The following LRP1B variants were observed in gnomAD, a reference collection of about 807,000 sequenced individuals.
LRP1B encodes the protein LDL receptor related protein 1B, also known as low-density lipoprotein receptor-related protein 1B.
LRP1B carries 217 observed loss-of-function variants against 556.6 expected under a neutral mutation model. That is an observed-to-expected ratio of 0.39 (90% CI 0.35 to 0.44). The LOEUF (loss-of-function observed/expected upper bound fraction) is 0.44. LRP1B is among the 20% of genes least tolerant of loss of function. LRP1B has a pLI of 1.00. For synonymous variants in LRP1B, 2,047 were observed against 1,865.8 expected (o/e 1.10, Z -2.50); for missense variants, 5,053 against 5,620.8 (o/e 0.90, Z 3.23).
At chr2:141,285,088 C>T (rs1291606305) in intron 3 of LRP1B, among the ~76,000 whole-genome samples, 1 of 151,408 alleles carries the variant, frequency 6.6e-6, no homozygotes, top group Non-Finnish European at 1.5e-5. Context: ...CCTATATAAA[C>T]CCATATTTCA....
intron 3 of LRP1B, among the ~76,000 whole-genome samples, chr2:141,387,235 C>T (rs568763423): frequency 6.6e-6 from 1 of 151,764 alleles, no homozygotes; most frequent in African/African-American, 2.4e-5. Flanking sequence ...AGAGAAGAAA[C>T]TCAAATAAAT....
intron 60 of LRP1B, among the ~76,000 whole-genome samples, chr2:140,464,041 C>T (rs898735860): frequency 4.6e-5 from 7 of 151,766 alleles, no homozygotes; most frequent in African/African-American, 1.7e-4. Context: ...ACTAAAAATA[C>T]AAAAATTAGC....
chr2:141,010,993 C>T (rs890671548), intron 14 of LRP1B, among the ~76,000 whole-genome samples: 14 of 146,490 alleles, frequency 9.6e-5, no homozygotes, highest in African/African-American at 3.5e-4. Context: ...TTAATACTAT[C>T]TATCCATATG....
intron 41 of LRP1B, among the ~76,000 whole-genome samples, chr2:140,680,964 T>C (rs1021082436): frequency 2.6e-5 from 4 of 152,230 alleles, no homozygotes; most frequent in African/African-American, 9.6e-5. Flanking sequence ...TAAAAGGCAG[T>C]GCTGTGTGAA....
At position 140,291,298 on chromosome 2, in the gene LRP1B, T is replaced by TTATATATATATATATA. The variant is rs66596182; in HGVS notation, c.12967+6494_12967+6509dup. Among the ~76,000 whole-genome samples the TTATATATATATATATA allele has an allele frequency of 5.7e-4, 41 of 71,998 alleles. 7 individuals are homozygous for TTATATATATATATATA. The East Asian group carries it at 0.013, about 23-fold the overall frequency. The allele number at this position is 71,998 out of a possible 152,430, so 47.2% of individuals were successfully genotyped here. On this transcript the variant is annotated intron_variant, in intron 84 of 90. Coordinates refer to ENST00000389484, the MANE Select transcript of LRP1B (RefSeq NM_018557.3). ...AGATACCACTTCAAGAAATTTTATT[T>TTATATATATATATATA]TATATATATATATATATATATTTTT...
intron 3 of LRP1B, among the ~76,000 whole-genome samples, chr2:141,430,599 A>C (rs1680526261): frequency 6.9e-6 from 1 of 144,572 alleles, no homozygotes; most frequent in Non-Finnish European, 1.5e-5. Flanking sequence ...ATAAGGTAAT[A>C]GTTTAGTGAT....
In LRP1B at chr2:140,322,094, GAAACAAAAGA is replaced by G; in HGVS notation, c.12515-16_12515-7del. ...ATCCAAGCATGGATTGGGTACTGGT[GAAACAAAAGA>G]AAACAAAGAAGTGTGTAAATATAGA... On this transcript the variant is annotated splice_region_variant and splice_polypyrimidine_tract_variant and intron_variant, in intron 81 of 90. Transcript: ENST00000389484. The G allele has an allele frequency of 6.2e-7, 1 of 1,608,980 alleles. No individual in the cohort carries two copies. Among genetic ancestry groups the G allele is most frequent in the Non-Finnish European group, 8.5e-7 (1 of 1,178,160 alleles).
At chr2:140,593,979 T>C (rs1682331311) in intron 43 of LRP1B, among the ~76,000 whole-genome samples, 1 of 150,650 alleles carries the variant, frequency 6.6e-6, no homozygotes, top group Admixed American at 6.6e-5. Flanking sequence ...TGACACATCA[T>C]GTTAATTTTT....
intron 3 of LRP1B, among the ~76,000 whole-genome samples, chr2:141,373,635 AGCTGACATAAATATTGC>A (rs1689320836): frequency 6.6e-6 from 1 of 151,826 alleles, no homozygotes; most frequent in African/African-American, 2.4e-5. Context: ...AGTCTGTTTT[AGCTGACATAAATATTGC>A]TACTCCTGCT....
chr2:141,550,393 A>G (rs1685707750), intron 2 of LRP1B, among the ~76,000 whole-genome samples: 1 of 152,144 alleles, frequency 6.6e-6, no homozygotes, highest in Admixed American at 6.6e-5. Context: ...TTCTCATTCT[A>G]CAATACGTAG....
intron 2 of LRP1B, among the ~76,000 whole-genome samples, chr2:141,720,934 C>A (rs1450052756): frequency 1.3e-5 from 2 of 152,088 alleles, no homozygotes; most frequent in African/African-American, 4.8e-5. Flanking sequence ...TTAATTATTG[C>A]ATTAAGATCA....
chr2:140,629,981 T>C (rs773061580), intron 41 of LRP1B, among the ~76,000 whole-genome samples: 11 of 152,246 alleles, frequency 7.2e-5, no homozygotes, highest in African/African-American at 2.7e-4. Context: ...CAACATGGCA[T>C]AGCAAATGCG....
intron 2 of LRP1B, among the ~76,000 whole-genome samples, chr2:141,644,537 C>T (rs1689477400): frequency 1.3e-5 from 2 of 151,974 alleles, no homozygotes; most frequent in Non-Finnish European, 2.9e-5. Context: ...TGTTTCTTAA[C>T]AACATGACTA....
At chr2:140,592,214 G>T (rs508855) in intron 43 of LRP1B, among the ~76,000 whole-genome samples, 53,264 of 151,874 alleles carry the variant, frequency 0.35, 9,546 homozygotes, top group African/African-American at 0.37. Context: ...CAGAAATAAG[G>T]ATATTAAGTT....
chr2:141,731,780 T>C (rs931803667), intron 2 of LRP1B, among the ~76,000 whole-genome samples: 6 of 152,172 alleles, frequency 3.9e-5, no homozygotes, highest in Non-Finnish European at 8.8e-5. Flanking sequence ...ATGTGGACAC[T>C]AACCTCATTA....
Position 141,055,112 on chromosome 2 carries a change from A to T in LRP1B, c.1552+4T>A. On this transcript the variant is annotated splice_donor_region_variant and intron_variant, in intron 10 of 90. Transcript: ENST00000389484. Reference sequence around the variant, plus strand: ...CTGGCAAATGTTTTATTTTAACAACATACTTTTGCATGACCTGCCATCACT... The same window carrying T: ...CTGGCAAATGTTTTATTTTAACAACTTACTTTTGCATGACCTGCCATCACT... 6.2e-7 allele frequency: 1 copy of T among 1,611,662 alleles called. No individual in the cohort carries two copies. Among genetic ancestry groups the T allele is most frequent in the Non-Finnish European group, 8.5e-7 (1 of 1,178,742 alleles).
chr2:140,815,886 ATC>A (rs1691105091), intron 31 of LRP1B, among the ~76,000 whole-genome samples: 1 of 130,370 alleles, frequency 7.7e-6, no homozygotes, highest in African/African-American at 2.8e-5. Flanking sequence ...TTTTTTTTGG[ATC>A]TGAGTTCACC....
At chr2:141,653,047 A>AT (rs1689859150) in intron 2 of LRP1B, among the ~76,000 whole-genome samples, 1 of 152,134 alleles carries the variant, frequency 6.6e-6, no homozygotes, top group Non-Finnish European at 1.5e-5. Context: ...GGAAGGCTTT[A>AT]ATCAGAAGTG....
intron 3 of LRP1B, among the ~76,000 whole-genome samples, chr2:141,467,819 T>C (rs1682291455): frequency 1.6e-5 from 1 of 62,712 alleles, no homozygotes; most frequent in Non-Finnish European, 4.8e-5. Context: ...GTTTGTTTGT[T>C]TGTTTGTTTG....
Sources: gnomAD v4.1 joint callset for allele counts (sites outside exome capture counted in the v4.1 genomes callset) on GRCh38, gnomAD v4.1.1 for gene constraint, MANE v1.5 for transcripts, NCBI Gene and HGNC (gene_info 2026-07-23, HGNC 2026-07-21) for gene names.